The following NRG3 variants were observed in gnomAD, a reference collection of about 807,000 sequenced individuals.
NRG3 encodes pro-neuregulin-3, membrane-bound isoform.
NRG3 carries 31 observed loss-of-function variants against 66.9 expected under a neutral mutation model. That is an observed-to-expected ratio of 0.46 (90% CI 0.35 to 0.63). The LOEUF is 0.63. Ranked by LOEUF, NRG3 falls within the 20% of genes least tolerant of loss-of-function variation. The pLI is 0.00. For missense variants in NRG3, 910 were observed against 878.9 expected, an observed-to-expected ratio of 1.04 and a Z score of -0.45; for synonymous variants, 393 against 359.4, an observed-to-expected ratio of 1.09 and a Z score of -1.06.
intron 1 of NRG3, among the ~76,000 whole-genome samples, chr10:82,150,321 C>G (rs1299432694): frequency 1.3e-5 from 2 of 152,002 alleles, no homozygotes; most frequent in African/African-American, 4.8e-5. Flanking sequence ...GCGCTCCTGC[C>G]CAGCTGATAG....
intron 1 of NRG3, among the ~76,000 whole-genome samples, chr10:81,915,453 T>C (rs1564654097): frequency 6.7e-6 from 1 of 150,154 alleles, no homozygotes; most frequent in Non-Finnish European, 1.5e-5. Context: ...CTTATTTCTT[T>C]AAGTTTCTCC....
intron 1 of NRG3, among the ~76,000 whole-genome samples, chr10:82,135,847 AT>A (rs1016482112): frequency 6.6e-6 from 1 of 151,896 alleles, no homozygotes; most frequent in East Asian, 1.9e-4. Flanking sequence ...CTGGTGCCTT[AT>A]TTGGTTTGTT....
chr10:81,991,952 T>C (rs2060759453), intron 1 of NRG3, among the ~76,000 whole-genome samples: 1 of 152,088 alleles, frequency 6.6e-6, no homozygotes. Context: ...ACAGAAAAAC[T>C]CCTGAGATTA....
At chr10:82,321,899 C>T (rs2081598872) in intron 1 of NRG3, among the ~76,000 whole-genome samples, 1 of 152,164 alleles carries the variant, frequency 6.6e-6, no homozygotes, top group African/African-American at 2.4e-5. Flanking sequence ...AGAATTTGTT[C>T]TGTTGCCAGA....
At chr10:82,243,143 A>T (rs1201659564) in intron 1 of NRG3, among the ~76,000 whole-genome samples, 1 of 152,198 alleles carries the variant, frequency 6.6e-6, no homozygotes, top group African/African-American at 2.4e-5. Flanking sequence ...CTGCATGTAA[A>T]AGAGACCCAC....
intron 1 of NRG3, among the ~76,000 whole-genome samples, chr10:82,286,785 A>G (rs1205699679): frequency 6.6e-6 from 1 of 152,018 alleles, no homozygotes; most frequent in East Asian, 1.9e-4. Flanking sequence ...ATGGGGTTTC[A>G]CCATATTGGC....
At chr10:82,013,563 TATTC>T (rs2132660263) in intron 1 of NRG3, among the ~76,000 whole-genome samples, 1 of 152,188 alleles carries the variant, frequency 6.6e-6, no homozygotes, top group African/African-American at 2.4e-5. Context: ...AGACTTTAAG[TATTC>T]ATGTCAGAAA....
chr10:82,576,895 G>A (rs547903491), intron 2 of NRG3, among the ~76,000 whole-genome samples: 1 of 151,696 alleles, frequency 6.6e-6, no homozygotes, highest in Non-Finnish European at 1.5e-5. Context: ...CTGCTGCTCA[G>A]GAATTTGCTC....
chr10:82,162,840 A>G (rs1208486333), intron 1 of NRG3, among the ~76,000 whole-genome samples: 1 of 152,206 alleles, frequency 6.6e-6, no homozygotes, highest in East Asian at 1.9e-4. Context: ...TATTTGAGTT[A>G]ATAAAGCTCT....
At chr10:82,413,445 C>T (rs2088276603) in intron 2 of NRG3, among the ~76,000 whole-genome samples, 1 of 152,068 alleles carries the variant, frequency 6.6e-6, no homozygotes. Context: ...CAGGCTTTGC[C>T]ATTCTATTTA....
At chr10:82,584,378 A>C (rs943248752) in intron 2 of NRG3, among the ~76,000 whole-genome samples, 2 of 152,112 alleles carry the variant, frequency 1.3e-5, no homozygotes, top group African/African-American at 4.8e-5. Flanking sequence ...GAGCCACTGC[A>C]CCTGGCCTGT....
In NRG3 at chr10:82,081,148, T is replaced by C. The variant is rs184038960; in HGVS notation, c.823+204985T>C. The stretch of plus-strand genomic sequence containing the variant: ...GAATGTGTGTAAAGGTATATAGACA[T>C]GAATATTTGATGATCTGACATCCCA... On this transcript the variant is annotated intron_variant, in intron 1 of 8. Transcript: ENST00000372141. Among the ~76,000 whole-genome samples the C allele has an allele frequency of 1.9e-3, 286 of 152,294 alleles. 4 individuals are homozygous for C. The highest frequency in any genetic ancestry group is 6.0e-4 in the Non-Finnish European group (41 of 68,026).
intron 2 of NRG3, among the ~76,000 whole-genome samples, chr10:82,499,625 T>C (rs1260578470): frequency 2.0e-5 from 3 of 152,134 alleles, no homozygotes; most frequent in African/African-American, 7.2e-5. Flanking sequence ...AATAGGACAA[T>C]AGAAAAGACC....
chr10:82,107,919 A>G (rs1413868616), intron 1 of NRG3, among the ~76,000 whole-genome samples: 1 of 152,222 alleles, frequency 6.6e-6, no homozygotes, highest in Non-Finnish European at 1.5e-5. Flanking sequence ...AGAAGCTGAA[A>G]AACGAAAACA....
chr10:82,379,490 C>A (rs2135829958), intron 2 of NRG3, among the ~76,000 whole-genome samples: 1 of 152,114 alleles, frequency 6.6e-6, no homozygotes, highest in African/African-American at 2.4e-5. Context: ...AGATAATCCA[C>A]AGTAAAATGG....
At chr10:82,798,446 C>T (rs900359523) in intron 3 of NRG3, among the ~76,000 whole-genome samples, 2 of 152,090 alleles carry the variant, frequency 1.3e-5, no homozygotes, top group Non-Finnish European at 2.9e-5. Flanking sequence ...TAGATGAGCC[C>T]TGTCATCTGC....
intron 1 of NRG3, among the ~76,000 whole-genome samples, chr10:82,273,861 C>T (rs552598348): frequency 6.6e-6 from 1 of 151,990 alleles, no homozygotes; most frequent in East Asian, 1.9e-4. Context: ...TTTCATTTCC[C>T]CAGCCCCAGA....
chr10:82,370,755 A>G (rs2084832148), intron 2 of NRG3, among the ~76,000 whole-genome samples: 1 of 152,146 alleles, frequency 6.6e-6, no homozygotes, highest in Non-Finnish European at 1.5e-5. Flanking sequence ...ATTACTTGAG[A>G]AAACTAAAAA....
intron 1 of NRG3, among the ~76,000 whole-genome samples, chr10:82,152,807 CCTCT>C (rs796578780): frequency 1.1e-3 from 160 of 150,754 alleles, no homozygotes; most frequent in African/African-American, 3.8e-3. Flanking sequence ...CCCACCCTCC[CCTCT>C]CTCTCTCTTT....
Sources: gnomAD v4.1 joint callset for allele counts (sites outside exome capture counted in the v4.1 genomes callset) on GRCh38, gnomAD v4.1.1 for gene constraint, MANE v1.5 for transcripts, NCBI Gene and HGNC (gene_info 2026-07-23, HGNC 2026-07-21) for gene names.